The following ALK variants were observed in gnomAD, a reference collection of about 807,000 sequenced individuals.
ALK encodes the protein ALK tyrosine kinase receptor.
A neutral mutation model predicts 163.1 loss-of-function variants in ALK; 74 were observed. That is an observed-to-expected ratio of 0.45 (90% CI 0.38 to 0.55). ALK has a LOEUF of 0.55. Ranked by LOEUF, ALK falls within the 20% of genes least tolerant of loss-of-function variation. The pLI, the probability that ALK is intolerant of heterozygous loss-of-function variation, is 0.00. For missense variants in ALK, 2,063 were observed against 2,105.3 expected (o/e 0.98, Z 0.39); for synonymous variants, 960 against 843.2 (o/e 1.14, Z -2.40).
intron 3 of ALK, among the ~76,000 whole-genome samples, chr2:29,532,330 G>C (rs1157302912): frequency 6.6e-6 from 1 of 152,158 alleles, no homozygotes; most frequent in Non-Finnish European, 1.5e-5. Context: ...GGAGACATAG[G>C]CCTTATAATC....
chr2:29,226,525 T>C (rs1664000764), intron 18 of ALK, among the ~76,000 whole-genome samples: 1 of 148,374 alleles, frequency 6.7e-6, no homozygotes, highest in South Asian at 2.1e-4. Flanking sequence ...GGGAGCACTG[T>C]CTTCAAACAC....
chr2:29,587,939 T>A (rs903687411), intron 3 of ALK, among the ~76,000 whole-genome samples: 3 of 152,202 alleles, frequency 2.0e-5, no homozygotes, highest in African/African-American at 7.2e-5. Context: ...TTTCCCTGCA[T>A]CTAACCCTCC....
chr2:29,528,415 T>G (rs915980741), intron 4 of ALK, among the ~76,000 whole-genome samples: 3 of 152,210 alleles, frequency 2.0e-5, no homozygotes, highest in African/African-American at 7.2e-5. Flanking sequence ...TGTGGTGCAG[T>G]GGGTGGCTCC....
At chr2:29,247,230 C>T (rs1664702984) in intron 12 of ALK, among the ~76,000 whole-genome samples, 1 of 152,226 alleles carries the variant, frequency 6.6e-6, no homozygotes, top group Non-Finnish European at 1.5e-5. Flanking sequence ...CTACACCCCA[C>T]GGAGATGCCT....
intron 5 of ALK, among the ~76,000 whole-genome samples, chr2:29,335,629 T>C (rs1166917858): frequency 6.6e-6 from 1 of 152,116 alleles, no homozygotes; most frequent in Non-Finnish European, 1.5e-5. Context: ...TCAGATTAAA[T>C]TGTCTTCTAG....
chr2:29,815,158 C>T (rs1374070878), intron 1 of ALK, among the ~76,000 whole-genome samples: 1 of 151,314 alleles, frequency 6.6e-6, no homozygotes, highest in Non-Finnish European at 1.5e-5. Flanking sequence ...AATCCCACTT[C>T]TATCACTTAA....
chr2:29,336,488 A>G (rs1427966681), intron 5 of ALK, among the ~76,000 whole-genome samples: 2 of 152,108 alleles, frequency 1.3e-5, no homozygotes, highest in African/African-American at 4.8e-5. Flanking sequence ...TTGCCCATTT[A>G]TCTCCTCTCT....
chr2:29,393,310 G>A (rs1417543649), intron 4 of ALK, among the ~76,000 whole-genome samples: 1 of 152,138 alleles, frequency 6.6e-6, no homozygotes, highest in African/African-American at 2.4e-5. Context: ...TTTCTCCCTT[G>A]AAGTGAGTTG....
At chr2:29,412,010 G>C (rs1558312927) in intron 4 of ALK, among the ~76,000 whole-genome samples, 1 of 152,194 alleles carries the variant, frequency 6.6e-6, no homozygotes, top group Non-Finnish European at 1.5e-5. Flanking sequence ...AATTGCATCA[G>C]TGTCATCTCA....
chr2:29,225,132 G>T (rs1435660198), intron 19 of ALK, among the ~76,000 whole-genome samples: 1 of 152,144 alleles, frequency 6.6e-6, no homozygotes, highest in Non-Finnish European at 1.5e-5. Context: ...GAAGCATGTG[G>T]GAGCTAGAAG....
At chr2:29,604,607 C>T (rs1675488675) in intron 3 of ALK, among the ~76,000 whole-genome samples, 1 of 152,108 alleles carries the variant, frequency 6.6e-6, no homozygotes, top group South Asian at 2.1e-4. Context: ...TGAACACCTC[C>T]CTGAGAAAAG....
chr2:29,299,673 A>T (rs1192065235), intron 8 of ALK, among the ~76,000 whole-genome samples: 2 of 152,242 alleles, frequency 1.3e-5, no homozygotes, highest in East Asian at 3.8e-4. Flanking sequence ...AGGGAAGTGT[A>T]AGAGCACAAG....
intron 1 of ALK, among the ~76,000 whole-genome samples, chr2:29,774,780 G>A (rs563216283): frequency 3.3e-5 from 5 of 152,252 alleles, no homozygotes; most frequent in East Asian, 3.9e-4. Context: ...ACTGACACCC[G>A]TAATTAAAGA....
At chr2:29,201,531 T>TA (rs1573091375) in intron 26 of ALK, among the ~76,000 whole-genome samples, 1 of 152,162 alleles carries the variant, frequency 6.6e-6, no homozygotes, top group East Asian at 1.9e-4. Context: ...CTCATGCCTG[T>TA]AATCTCAGCA....
chr2:29,537,450 T>C lies in ALK; in HGVS notation c.953-5334A>G, dbSNP rs181499978. Among the ~76,000 whole-genome samples the C allele has an allele frequency of 4.1e-3, 620 of 152,308 alleles. 2 individuals are homozygous for C. Among genetic ancestry groups the C allele is most frequent in the African/African-American group, 0.014 (599 of 41,576 alleles). On this transcript the variant is annotated intron_variant, in intron 3 of 28. Coordinates refer to ENST00000389048, the MANE Select transcript of ALK (RefSeq NM_004304.5). ...TTGGATAACATAAGCCATGCTTCCATGTGGTATTCAGCCTACAGACACACA... is the reference window on the plus strand; with the variant it reads ...TTGGATAACATAAGCCATGCTTCCACGTGGTATTCAGCCTACAGACACACA...
At chr2:29,369,243 C>T (rs1174018370) in intron 5 of ALK, among the ~76,000 whole-genome samples, 1 of 152,094 alleles carries the variant, frequency 6.6e-6, no homozygotes, top group Non-Finnish European at 1.5e-5. Context: ...CCCCTGAGGT[C>T]CTCTTTAGGA....
intron 1 of ALK, among the ~76,000 whole-genome samples, chr2:29,852,131 C>T (rs1453792254): frequency 6.6e-6 from 1 of 152,202 alleles, no homozygotes. Context: ...AACGAAGCCC[C>T]TATGTAGCGT....
At position 29,563,941 on chromosome 2, in the gene ALK, T is replaced by C. The variant is rs150885584; in HGVS notation, c.953-31825A>G. Among the ~76,000 whole-genome samples, 83 of 152,324 alleles carry C rather than the reference T, an allele frequency of 5.4e-4. 1 individual carries two copies. Among genetic ancestry groups the C allele is most frequent in the African/African-American group, 1.9e-3 (78 of 41,584 alleles). ...ACTCCTGCTGATGCCCAAACATTTG[T>C]GGTCACCTGCCACCTCCTAACCTCA... On this transcript the variant is annotated intron_variant, in intron 3 of 28. Coordinates refer to ENST00000389048, the MANE Select transcript of ALK (RefSeq NM_004304.5).
chr2:29,280,865 C>G (rs1409791759), intron 9 of ALK, among the ~76,000 whole-genome samples: 3 of 151,616 alleles, frequency 2.0e-5, no homozygotes, highest in Non-Finnish European at 4.4e-5. Flanking sequence ...CTGGTATGTA[C>G]CAGGTGGACC....
Sources: gnomAD v4.1 joint callset for allele counts (sites outside exome capture counted in the v4.1 genomes callset) on GRCh38, gnomAD v4.1.1 for gene constraint, MANE v1.5 for transcripts, NCBI Gene and HGNC (gene_info 2026-07-23, HGNC 2026-07-21) for gene names.